CIB1: variants seen among roughly 807,000 people sequenced by gnomAD.
The protein encoded by CIB1 is calcium and integrin-binding protein 1.
A neutral mutation model predicts 25.0 loss-of-function variants in CIB1; 19 were observed. The observed-to-expected ratio is 0.76, with a 90% CI of 0.53 to 1.12. The LOEUF (loss-of-function observed/expected upper bound fraction) is 1.12, where lower values mean the gene tolerates loss of function less well. CIB1 is among the 50% of genes most tolerant of loss of function. CIB1 has a pLI of 0.00. For missense variants in CIB1, 236 were observed against 242.6 expected (o/e 0.97, Z 0.18); for synonymous variants, 104 against 98.5 (o/e 1.06, Z -0.33).
the CIB1 span, among the ~76,000 whole-genome samples, chr15:90,254,212 A>C: frequency 7.3e-6 from 1 of 137,654 alleles, no homozygotes; most frequent in Non-Finnish European, 1.5e-5. Flanking sequence ...TAAAAAAAAA[A>C]GGCTGGGCAC....
At chr15:90,241,767 C>T in the CIB1 span, 110 of 1,614,122 alleles carry the variant, frequency 6.8e-5, no homozygotes, top group Non-Finnish European at 9.2e-5. Flanking sequence ...TGAGATTGCT[C>T]ATAACTTGTT....
the CIB1 span, chr15:90,250,648 T>C: frequency 1.9e-6 from 3 of 1,613,992 alleles, no homozygotes; most frequent in South Asian, 2.2e-5. Context: ...CGAGTACCTG[T>C]AGGACCATGG....
chr15:90,257,624 A>G, the CIB1 span: 3 of 1,613,492 alleles, frequency 1.9e-6, no homozygotes, highest in East Asian at 2.2e-5. Context: ...CCACAGGGCC[A>G]CTCTTTCCAC....
chr15:90,236,663 A>C (rs1471493730), upstream of CIB1, among the ~76,000 whole-genome samples: 1 of 151,676 alleles, frequency 6.6e-6, no homozygotes, highest in Non-Finnish European at 1.5e-5. Context: ...CCTCCTGAGT[A>C]GCTGGGATTA....
At chr15:90,261,208 A>G in the CIB1 span, among the ~76,000 whole-genome samples, 2 of 150,640 alleles carry the variant, frequency 1.3e-5, no homozygotes, top group Non-Finnish European at 2.9e-5. Context: ...CCTCCCAAGT[A>G]GCTGGGACTA....
the CIB1 span, chr15:90,241,432 G>A: frequency 3.7e-6 from 6 of 1,613,446 alleles, no homozygotes; most frequent in African/African-American, 2.7e-5. Context: ...GAGCCTGCCC[G>A]CCAGCTCCCC....
At chr15:90,249,762 G>A in the CIB1 span, 4 of 152,158 alleles carry the variant, frequency 2.6e-5, no homozygotes, top group Non-Finnish European at 5.9e-5. Flanking sequence ...ATCCCCAGGC[G>A]GCTAGGGGCG....
chr15:90,257,732 A>T, the CIB1 span: 20 of 1,612,606 alleles, frequency 1.2e-5, no homozygotes, highest in Non-Finnish European at 1.7e-5. Context: ...GGTACTCCCT[A>T]CTCTGTTTTC....
the CIB1 span, among the ~76,000 whole-genome samples, chr15:90,256,589 CTTTCTTTCTTTCT>C: frequency 8.9e-4 from 31 of 34,894 alleles, no homozygotes; most frequent in Admixed American, 1.6e-3. Context: ...TTCTTTCTTT[CTTTCTTTCTTTCT>C]TTCTTTCCTT....
upstream of CIB1, among the ~76,000 whole-genome samples, chr15:90,238,040 C>A (rs138312953): frequency 3.9e-3 from 590 of 152,352 alleles, 6 homozygotes; most frequent in South Asian, 0.027. Context: ...TGGCTCACGC[C>A]TGTAATCCCA....
At chr15:90,230,860 A>G (rs1962462234) in intron 6 of CIB1, 74 bp downstream of exon 6, 13 of 1,279,778 alleles carry the variant, frequency 1.0e-5, no homozygotes, top group Non-Finnish European at 1.5e-5. Context: ...CACCTCCTGT[A>G]GCCATGCCCT....
At chr15:90,255,747 T>C in the CIB1 span, 2 of 1,614,062 alleles carry the variant, frequency 1.2e-6, no homozygotes, top group Non-Finnish European at 1.7e-6. Context: ...TAACTGGCTG[T>C]GTTTCAGAAA....
chr15:90,257,097 C>T, the CIB1 span: 1 of 1,592,618 alleles, frequency 6.3e-7, no homozygotes, highest in African/African-American at 1.3e-5. Context: ...GTAGGCACTT[C>T]AAAAGTGTTA....
the CIB1 span, among the ~76,000 whole-genome samples, chr15:90,261,428 C>T: frequency 7.4e-5 from 11 of 148,220 alleles, no homozygotes; most frequent in African/African-American, 2.7e-4. Flanking sequence ...ACATATGTTA[C>T]TTTTACAATC....
At chr15:90,265,693 G>T in the CIB1 span, 23 of 1,612,832 alleles carry the variant, frequency 1.4e-5, no homozygotes, top group African/African-American at 2.4e-4. Flanking sequence ...GCCGACTGCT[G>T]AAGGCTGGTT....
At position 90,230,939 on chromosome 15, in the gene CIB1, A is replaced by G. The variant is rs765750540; in HGVS notation, c.549T>C (p.Phe183=). 2.5e-6 allele frequency: 4 copies of G among 1,613,812 alleles called. No individual in the cohort carries two copies. The African/African-American group carries it at 4.0e-5, about 16-fold the overall frequency. ...AAGGGGGACCACTGTCATACCTGGC[A>G]AAGTCTGGAGAACGGGAGATGACGT... ...FQHVISRSPD[F]ASSFKIVL The change falls in exon 6 of 7, where the codon TTT becomes TTC. Residue 183 remains phenylalanine, a synonymous_variant. Transcript: ENST00000328649.
the CIB1 span, among the ~76,000 whole-genome samples, chr15:90,246,105 C>A: frequency 6.6e-6 from 1 of 152,042 alleles, no homozygotes; most frequent in Non-Finnish European, 1.5e-5. Context: ...GAAACCCAGT[C>A]TCTACAAAAA....
chr15:90,244,454 C>G, the CIB1 span: 1 of 152,176 alleles, frequency 6.6e-6, no homozygotes, highest in Non-Finnish European at 1.5e-5. Context: ...TCAGTAGACA[C>G]TATTCTAAGA....
chr15:90,237,792 T>A (rs948781628), upstream of CIB1, among the ~76,000 whole-genome samples: 6 of 152,162 alleles, frequency 3.9e-5, no homozygotes, highest in Non-Finnish European at 8.8e-5. Context: ...TTTATTAGAA[T>A]AAGATACTAC....
Sources: allele counts gnomAD v4.1 joint callset (sites outside exome capture counted in the v4.1 genomes callset), GRCh38; gene constraint gnomAD v4.1.1; transcripts MANE v1.5; gene names NCBI Gene and HGNC (gene_info 2026-07-23, HGNC 2026-07-21).